KIAA1958: variants seen among roughly 807,000 people sequenced by gnomAD.
KIAA1958 encodes uncharacterized protein KIAA1958.
In KIAA1958, 14 loss-of-function variants were observed where a neutral mutation model predicts 47.2. The ratio of observed to expected loss-of-function variants is 0.30; its 90% CI spans 0.20 to 0.46. The LOEUF (loss-of-function observed/expected upper bound fraction) is 0.46, where lower values mean the gene tolerates loss of function less well. KIAA1958 is among the 20% of genes least tolerant of loss of function. The probability of loss-of-function intolerance (pLI) is 1.00; values close to 1 mark genes in which losing one functional copy is unlikely to be tolerated. For synonymous variants in KIAA1958, 354 were observed against 353.3 expected (o/e 1.00, Z -0.02); for missense variants, 803 against 909.2 (o/e 0.88, Z 1.50).
chr9:112,564,112 A>G (rs556219631), intron 1 of KIAA1958, among the ~76,000 whole-genome samples: 1 of 152,256 alleles, frequency 6.6e-6, no homozygotes, highest in African/African-American at 2.4e-5. Flanking sequence ...TGGCTTTGTC[A>G]GGTTTTGGTT....
At chr9:112,501,280 A>T (rs906608403) in intron 1 of KIAA1958, among the ~76,000 whole-genome samples, 4 of 152,134 alleles carry the variant, frequency 2.6e-5, no homozygotes, top group African/African-American at 9.7e-5. Flanking sequence ...TCTTTACAAA[A>T]AAAAAAGAGA....
chr9:112,626,619 A>G (rs1046770801), intron 2 of KIAA1958, among the ~76,000 whole-genome samples: 4 of 152,238 alleles, frequency 2.6e-5, no homozygotes, highest in Non-Finnish European at 4.4e-5. Context: ...TAATTCTTTT[A>G]TAAATCCCTT....
intron 2 of KIAA1958, among the ~76,000 whole-genome samples, chr9:112,642,517 C>G (rs1836908479): frequency 6.6e-6 from 1 of 152,196 alleles, no homozygotes; most frequent in Admixed American, 6.5e-5. Flanking sequence ...CGCAGCCGTA[C>G]TTGCCAGCAC....
At position 112,574,607 on chromosome 9, in the gene KIAA1958, G is replaced by A. The variant is rs761621269; in HGVS notation, c.527G>A (p.Gly176Glu). 1.2e-6 allele frequency: 2 copies of A among 1,614,140 alleles called. No homozygotes were observed. The highest frequency in any genetic ancestry group is 1.6e-4 in the Middle Eastern group (1 of 6,062). ...CAAAGCATTGCTCGCAAAAGACCTGGGGTAGTCCCATCTTCCCTCCATTCA... is the reference window on the plus strand; with the variant it reads ...CAAAGCATTGCTCGCAAAAGACCTGAGGTAGTCCCATCTTCCCTCCATTCA... ...RPQSIARKRP[G>E]VVPSSLHSSS... The change falls in exon 2 of 4, where the codon GGG (glycine) becomes GAG (glutamate). Residue 176 changes from glycine to glutamate, a missense_variant. This residue lies in a region of KIAA1958 where 761 missense variants were observed against 829.3 expected (regional missense o/e 0.92). Transcript: ENST00000337530.
chr9:112,658,725 C>T (rs1027813800), intron 3 of KIAA1958, among the ~76,000 whole-genome samples: 2 of 151,694 alleles, frequency 1.3e-5, no homozygotes, highest in African/African-American at 4.8e-5. Context: ...TTTGGGAGGC[C>T]AAGGTGGGCA....
intron 2 of KIAA1958, among the ~76,000 whole-genome samples, chr9:112,630,767 T>C (rs548322413): frequency 6.6e-6 from 1 of 152,386 alleles, no homozygotes; most frequent in South Asian, 2.1e-4. Context: ...AAAATTACTT[T>C]GCAGAAATGC....
rs2131185682 is a variant in KIAA1958 at position 112,586,427 on chromosome 9, G to A, written c.1171+11176G>A. Among the ~76,000 whole-genome samples the A allele has an allele frequency of 2.6e-5, 4 of 152,222 alleles. No individual in the cohort carries two copies. In the Middle Eastern group the frequency reaches 0.01, roughly 388 times the overall value. On this transcript the variant is annotated intron_variant, in intron 2 of 3. Coordinates refer to ENST00000337530, the MANE Select transcript of KIAA1958 (RefSeq NM_133465.4). ...ATAATTGTTTACTAGTATCTGAAAG[G>A]CAAAAGTAGAAAGGCAGATTGCTCT...
intron 1 of KIAA1958, among the ~76,000 whole-genome samples, chr9:112,495,849 T>C (rs1012869770): frequency 6.6e-6 from 1 of 152,234 alleles, no homozygotes; most frequent in Non-Finnish European, 1.5e-5. Context: ...GCAAGCATTA[T>C]GCAACAGAAG....
chr9:112,621,149 T>G (rs1054195901), intron 2 of KIAA1958, among the ~76,000 whole-genome samples: 5 of 152,200 alleles, frequency 3.3e-5, no homozygotes, highest in African/African-American at 1.2e-4. Context: ...TTAACATCTC[T>G]GAAGGATGTC....
chr9:112,529,178 T>G (rs1006957915), intron 1 of KIAA1958, among the ~76,000 whole-genome samples: 8 of 152,244 alleles, frequency 5.3e-5, no homozygotes, highest in Non-Finnish European at 1.0e-4. Flanking sequence ...TCTACCTATA[T>G]CTACATGTCT....
intron 2 of KIAA1958, chr9:112,581,779 A>G (rs1835739847): frequency 4.5e-6 from 1 of 223,314 alleles, no homozygotes; most frequent in Non-Finnish European, 9.7e-6. Flanking sequence ...CAATCCTGTT[A>G]GGAACTGGAG....
intron 1 of KIAA1958, among the ~76,000 whole-genome samples, chr9:112,512,481 CTG>C (rs1168996168): frequency 1.3e-5 from 2 of 151,760 alleles, no homozygotes; most frequent in African/African-American, 2.4e-5. Context: ...TCTTAGCAAA[CTG>C]TGGAATAAAA....
At chr9:112,589,996 G>A (rs1370708561) in intron 2 of KIAA1958, among the ~76,000 whole-genome samples, 1 of 152,158 alleles carries the variant, frequency 6.6e-6, no homozygotes, top group East Asian at 1.9e-4. Context: ...TTGTCCCTGA[G>A]CCCGGAGCCT....
intron 2 of KIAA1958, among the ~76,000 whole-genome samples, chr9:112,624,424 T>C (rs1162222968): frequency 6.6e-6 from 1 of 152,212 alleles, no homozygotes; most frequent in Non-Finnish European, 1.5e-5. Context: ...AGCAAAGTGA[T>C]GAAGCTAGGA....
chr9:112,524,542 T>G (rs1834607945), intron 1 of KIAA1958, among the ~76,000 whole-genome samples: 1 of 152,250 alleles, frequency 6.6e-6, no homozygotes, highest in Non-Finnish European at 1.5e-5. Flanking sequence ...ATTCACATTG[T>G]TGTGCTACCA....
At chr9:112,556,685 G>A (rs1318690795) in intron 1 of KIAA1958, among the ~76,000 whole-genome samples, 1 of 152,190 alleles carries the variant, frequency 6.6e-6, no homozygotes, top group Non-Finnish European at 1.5e-5. Flanking sequence ...GGCTTTCTGA[G>A]TCAGTTTGAT....
intron 1 of KIAA1958, among the ~76,000 whole-genome samples, chr9:112,508,593 GCA>G (rs1834272628): frequency 6.6e-6 from 1 of 152,172 alleles, no homozygotes; most frequent in East Asian, 1.9e-4. Context: ...GAGCCCTTTT[GCA>G]CACACTGCTT....
chr9:112,525,993 CTTCTTCTTT>C (rs1834641025), intron 1 of KIAA1958, among the ~76,000 whole-genome samples: 1 of 938 alleles, frequency 1.1e-3, no homozygotes. Flanking sequence ...TCTTCTTCTT[CTTCTTCTTT>C]TTTTTTTTAA....
chr9:112,564,404 T>C lies in KIAA1958; in HGVS notation c.-24-9653T>C, dbSNP rs561687643. ...ATTAAAACACAGCAACAACAAACTC[T>C]AAAAGGTTCAGAACCTTGTAAACAG... On this transcript the variant is annotated intron_variant, in intron 1 of 3. Coordinates refer to ENST00000337530, the MANE Select transcript of KIAA1958 (RefSeq NM_133465.4). Among the ~76,000 whole-genome samples, 9 of 152,290 alleles carry C rather than the reference T, an allele frequency of 5.9e-5. No individual in the cohort carries two copies. In the South Asian group the frequency reaches 1.9e-3, roughly 32 times the overall value.
Sources: gnomAD v4.1 joint callset for allele counts (sites outside exome capture counted in the v4.1 genomes callset) on GRCh38, gnomAD v4.1.1 for gene constraint, gnomAD v4.1.1 regional missense constraint, MANE v1.5 for transcripts, NCBI Gene and HGNC (gene_info 2026-07-23, HGNC 2026-07-21) for gene names.